RHOT1: variants seen among roughly 807,000 people sequenced by gnomAD.
RHOT1 encodes ras homolog family member T1, also known as mitochondrial Rho GTPase 1.
A neutral mutation model predicts 95.3 loss-of-function variants in RHOT1; 27 were observed. The ratio of observed to expected loss-of-function variants is 0.28; its 90% CI spans 0.21 to 0.39. RHOT1 has a LOEUF of 0.39. RHOT1 is among the 10% of genes least tolerant of loss of function. The pLI is 1.00. For synonymous variants in RHOT1, 227 were observed against 263.5 expected (o/e 0.86, Z 1.34); for missense variants, 578 against 786.7 (o/e 0.73, Z 3.17).
At chr17:32,199,121 A>G in intron 12 of RHOT1, 90 bp downstream of exon 12, 1 of 1,042,150 alleles carries the variant, frequency 9.6e-7, no homozygotes, top group Non-Finnish European at 1.4e-6. Context: ...TGGGATGTGT[A>G]TGTTACATAG....
intron 1 of RHOT1, chr17:32,143,127 G>T: frequency 1.8e-6 from 1 of 548,652 alleles, no homozygotes; most frequent in Non-Finnish European, 3.6e-6. Context: ...CTTGTCTTCT[G>T]GAGATTCCCT....
At chr17:32,173,718 AAAAAAG>A (rs1219661679) in intron 2 of RHOT1, 107 bp from the exon 3 acceptor site, 17 of 769,438 alleles carry the variant, frequency 2.2e-5, no homozygotes, top group South Asian at 2.1e-4. Flanking sequence ...ATTAAAAAAA[AAAAAAG>A]AAAAGAAACA....
chr17:32,184,920 C>T (rs2035915851), intron 8 of RHOT1, among the ~76,000 whole-genome samples: 1 of 150,752 alleles, frequency 6.6e-6, no homozygotes, highest in Admixed American at 6.6e-5. Context: ...TGTTTGAACA[C>T]TTGTTTGCTT....
chr17:32,214,122 C>T (rs540088392), intron 19 of RHOT1, among the ~76,000 whole-genome samples: 8 of 152,204 alleles, frequency 5.3e-5, no homozygotes, highest in South Asian at 4.2e-4. Flanking sequence ...TTAGGGGCTG[C>T]GTATTGGAGT....
At chr17:32,197,397 TTTCTTTTTTC>T (rs1157549996) in intron 11 of RHOT1, among the ~76,000 whole-genome samples, 105 of 150,368 alleles carry the variant, frequency 7.0e-4, no homozygotes, top group Non-Finnish European at 1.1e-3. Context: ...CCCAGCTAAT[TTTCTTTTTTC>T]TTCTTTTTTC....
intron 1 of RHOT1, among the ~76,000 whole-genome samples, chr17:32,168,519 C>T (rs535168651): frequency 3.4e-4 from 51 of 151,950 alleles, no homozygotes; most frequent in African/African-American, 1.1e-3. Flanking sequence ...AGTAGTCCTC[C>T]CACTTCAGCC....
At chr17:32,202,991 T>A (rs2037432633) in intron 15 of RHOT1, 91 bp downstream of exon 15, 2 of 1,307,590 alleles carry the variant, frequency 1.5e-6, no homozygotes, top group East Asian at 4.6e-5. Flanking sequence ...CCTTTTTAGA[T>A]AATTATTAGA....
At chr17:32,204,535 C>T (rs1463496000) in intron 16 of RHOT1, among the ~76,000 whole-genome samples, 8 of 131,688 alleles carry the variant, frequency 6.1e-5, no homozygotes, top group African/African-American at 8.8e-5. Flanking sequence ...AGCGAAACTC[C>T]ATCTCCAGAA....
At chr17:32,206,377 C>T (rs1598440567) in intron 16 of RHOT1, among the ~76,000 whole-genome samples, 1 of 145,492 alleles carries the variant, frequency 6.9e-6, no homozygotes, top group East Asian at 2.0e-4. Context: ...GGCTAAGCTT[C>T]CACAGAATCT....
At chr17:32,217,057 A>G (rs375687213) in intron 19 of RHOT1, among the ~76,000 whole-genome samples, 2 of 152,236 alleles carry the variant, frequency 1.3e-5, no homozygotes, top group East Asian at 3.8e-4. Flanking sequence ...TGGTTAATAT[A>G]TTAAAGGACA....
chr17:32,150,986 A>G (rs1367216738), intron 1 of RHOT1: 13 of 1,537,024 alleles, frequency 8.5e-6, no homozygotes, highest in Non-Finnish European at 1.2e-5. Context: ...CTGCTGCTTC[A>G]ATTTGAATCG....
At chr17:32,209,385 T>A (rs775026465) in intron 18 of RHOT1, 1 of 1,611,436 alleles carries the variant, frequency 6.2e-7, no homozygotes. Flanking sequence ...TCCCGAGACA[T>A]GGGCCACACT....
At chr17:32,199,096 C>CAGGGAACAGAGTTATA in intron 12 of RHOT1, 65 bp downstream of exon 12, 1 of 1,248,746 alleles carries the variant, frequency 8.0e-7, no homozygotes, top group Non-Finnish European at 1.2e-6. Context: ...TGATATAACT[C>CAGGGAACAGAGTTATA]TGTTCCCTGA....
At chr17:32,158,509 C>T (rs2033198027) in intron 1 of RHOT1, among the ~76,000 whole-genome samples, 1 of 152,042 alleles carries the variant, frequency 6.6e-6, no homozygotes, top group African/African-American at 2.4e-5. Flanking sequence ...GGCTGGAGTG[C>T]GGTGGCGCCA....
In RHOT1 at chr17:32,175,420, T is replaced by C. The variant is rs2034914836; in HGVS notation, c.222+58T>C. On this transcript the variant is annotated intron_variant, in intron 4 of 19. Transcript: ENST00000545287. ...GTGTAGAAAAACAGTGATGATTTTA[T>C]GAGCCTGCCTTTTTCATTCTCTTTG... The C allele has an allele frequency of 3.5e-6, 5 of 1,423,246 alleles. No individual in the cohort carries two copies. In the South Asian group the frequency reaches 4.6e-5, roughly 13 times the overall value. The allele number at this position is 1,423,246 out of a possible 1,614,324, so 88.2% of individuals were successfully genotyped here. A position where few individuals can be genotyped will look rare whatever the true frequency, so the allele number is the denominator to read the frequency against.
chr17:32,172,561 A>G (rs904410251), intron 2 of RHOT1, among the ~76,000 whole-genome samples: 2 of 152,258 alleles, frequency 1.3e-5, no homozygotes, highest in Non-Finnish European at 2.9e-5. Context: ...GGCTGGGCGC[A>G]GTGGCTCACG....
chr17:32,185,743 C>A (rs1157342826), intron 8 of RHOT1, among the ~76,000 whole-genome samples: 2 of 129,696 alleles, frequency 1.5e-5, no homozygotes, highest in African/African-American at 3.0e-5. Flanking sequence ...AATTTAGAGA[C>A]AAGATCTTAC....
At chr17:32,168,120 A>G (rs1025736805) in intron 1 of RHOT1, among the ~76,000 whole-genome samples, 15 of 152,178 alleles carry the variant, frequency 9.9e-5, no homozygotes, top group Non-Finnish European at 1.8e-4. Context: ...TCAAAAAAAA[A>G]AAAGATTCCT....
chr17:32,173,960 C>G (rs370706707), intron 3 of RHOT1, 48 bp downstream of exon 3: 8 of 1,295,796 alleles, frequency 6.2e-6, no homozygotes, highest in African/African-American at 1.5e-5. Flanking sequence ...ATTTAATAGA[C>G]TTGAAAAAAG....
Sources: allele counts gnomAD v4.1 joint callset (sites outside exome capture counted in the v4.1 genomes callset), GRCh38; gene constraint gnomAD v4.1.1; transcripts MANE v1.5; gene names NCBI Gene and HGNC (gene_info 2026-07-23, HGNC 2026-07-21).